Variants in DIAPH2 observed in about 807,000 individuals in gnomAD.
The protein encoded by DIAPH2 is diaphanous related formin 2.
DIAPH2 carries 35 observed loss-of-function variants against 92.7 expected under a neutral mutation model. The observed-to-expected ratio is 0.38, with a 90% CI of 0.29 to 0.50. The LOEUF is 0.50. DIAPH2 is among the 20% of genes least tolerant of loss of function. DIAPH2 has a pLI of 0.94. For missense variants in DIAPH2, 701 were observed against 819.5 expected (o/e 0.86, Z 1.77); for synonymous variants, 301 against 280.4 (o/e 1.07, Z -0.73).
intron 21 of DIAPH2, among the ~76,000 whole-genome samples, chrX:97,129,146 C>CTTTTCTTTTCTTTTCTTTTCTTTTCT (rs113199689): frequency 1.1e-4 from 4 of 36,551 alleles, no homozygotes; most frequent in African/African-American, 6.7e-4. Flanking sequence ...CTTTTCTTTT[C>CTTTTCTTTTCTTTTCTTTTCTTTTCT]TTTCTTTTCT....
intron 17 of DIAPH2, among the ~76,000 whole-genome samples, chrX:97,029,310 G>A (rs1295688978): frequency 9.2e-6 from 1 of 108,820 alleles, no homozygotes; most frequent in Non-Finnish European, 1.9e-5. Flanking sequence ...ACCACACCTG[G>A]CTAATTTTTG....
intron 1 of DIAPH2, among the ~76,000 whole-genome samples, chrX:96,719,147 A>G (rs1231237196): frequency 1.8e-5 from 2 of 112,094 alleles, no homozygotes; most frequent in Non-Finnish European, 1.9e-5. Flanking sequence ...TTCTCTATAT[A>G]GAGTTGTTTG....
chrX:97,440,451 G>T (rs998018357), intron 26 of DIAPH2, among the ~76,000 whole-genome samples: 15 of 109,921 alleles, frequency 1.4e-4, no homozygotes, highest in African/African-American at 5.0e-4. Context: ...AATTAGCTGA[G>T]TGTGGTGGCA....
chrX:96,997,029 C>T (rs1413366016), intron 17 of DIAPH2, among the ~76,000 whole-genome samples: 1 of 111,833 alleles, frequency 8.9e-6, no homozygotes, highest in Non-Finnish European at 1.9e-5. Flanking sequence ...ATAAGAGTTG[C>T]AGTTGTTTCA....
At chrX:97,331,090 A>G (rs2147667193) in intron 23 of DIAPH2, among the ~76,000 whole-genome samples, 1 of 111,445 alleles carries the variant, frequency 9.0e-6, no homozygotes, top group South Asian at 3.8e-4. Context: ...GAGACAGCAA[A>G]CACATTAAAG....
At chrX:96,990,929 T>C (rs1381843028) in intron 17 of DIAPH2, among the ~76,000 whole-genome samples, 1 of 111,139 alleles carries the variant, frequency 9.0e-6, no homozygotes, top group Non-Finnish European at 1.9e-5. Flanking sequence ...TCTCAGTGAA[T>C]GATGTAATTT....
intron 19 of DIAPH2, among the ~76,000 whole-genome samples, chrX:97,082,619 G>A (rs1284748435): frequency 9.0e-6 from 1 of 111,070 alleles, no homozygotes; most frequent in Non-Finnish European, 1.9e-5. Context: ...GCGACAGAGC[G>A]AGACTCCATC....
At chrX:97,530,279 A>G (rs2071050962) in intron 26 of DIAPH2, among the ~76,000 whole-genome samples, 1 of 111,981 alleles carries the variant, frequency 8.9e-6, no homozygotes, top group Admixed American at 9.5e-5. Flanking sequence ...TCAAGCAGTA[A>G]GTGACTGAAA....
intron 17 of DIAPH2, among the ~76,000 whole-genome samples, chrX:97,002,289 T>G (rs2066149941): frequency 9.1e-6 from 1 of 109,704 alleles, no homozygotes; most frequent in African/African-American, 3.3e-5. Flanking sequence ...TTGTAATGAA[T>G]ATATATATAT....
At chrX:97,239,725 T>C (rs756994075) in intron 22 of DIAPH2, among the ~76,000 whole-genome samples, 1 of 110,568 alleles carries the variant, frequency 9.0e-6, no homozygotes, top group East Asian at 2.8e-4. Context: ...GGCACAAAAA[T>C]ATACCCTGAG....
At chrX:97,172,986 G>A (rs1050302511) in intron 22 of DIAPH2, among the ~76,000 whole-genome samples, 1 of 112,216 alleles carries the variant, frequency 8.9e-6, no homozygotes, top group African/African-American at 3.2e-5. Flanking sequence ...CATAATTTAA[G>A]GTTCAGTTAA....
intron 24 of DIAPH2, among the ~76,000 whole-genome samples, chrX:97,353,426 A>G (rs1433373546): frequency 5.4e-5 from 6 of 111,276 alleles, no homozygotes; most frequent in Non-Finnish European, 1.1e-4. Flanking sequence ...CAAATAAATT[A>G]TAGAAAATAC....
At chrX:97,541,460 T>G (rs2071139714) in intron 26 of DIAPH2, among the ~76,000 whole-genome samples, 1 of 112,011 alleles carries the variant, frequency 8.9e-6, no homozygotes, top group African/African-American at 3.2e-5. Flanking sequence ...TTCCATCCTC[T>G]CAAGTTATCT....
rs780409628 is a variant in DIAPH2, at chrX:97,072,952, G to A, written c.2062G>A (p.Ala688Thr). The A allele has an allele frequency of 1.2e-5, 14 of 1,191,712 alleles. No individual in the cohort carries two copies. The highest frequency in any genetic ancestry group is 3.7e-5 in the South Asian group (2 of 53,979). Residue 688 changes from alanine (A) to threonine (T), a missense_variant, in exon 18 of 27, where the codon GCA becomes ACA. By Grantham distance (58) the Ala-to-Thr change is moderately conservative (BLOSUM62 0). This residue lies in a region of DIAPH2 where 536 missense variants were observed against 599.3 expected (regional missense o/e 0.89). Transcript: ENST00000324765. ...ATTTTTTCTTTCAGTTCAAAAGAAC[G>A]CAGAAGCATTAGAAGAAAAGAAGAC... ...FATQIKVQKN[A>T]EALEEKKTGP...
At chrX:97,489,876 G>A (rs962264632) in intron 26 of DIAPH2, among the ~76,000 whole-genome samples, 8 of 111,536 alleles carry the variant, frequency 7.2e-5, no homozygotes, top group African/African-American at 2.6e-4. Context: ...TGTTTTCATC[G>A]AAGATACTGG....
chrX:97,326,592 C>T lies in DIAPH2; in HGVS notation c.2845-21524C>T, dbSNP rs190975127. On this transcript the variant is annotated intron_variant, in intron 23 of 26. Coordinates refer to ENST00000324765, the MANE Select transcript of DIAPH2 (RefSeq NM_006729.5). ...ACCATTTTCAGCCCGTCCAGTTCTGCACCAAACCTAGTTTCAGAAGGACAA... is the reference window on the plus strand; with the variant it reads ...ACCATTTTCAGCCCGTCCAGTTCTGTACCAAACCTAGTTTCAGAAGGACAA... Among the ~76,000 whole-genome samples, 56 of 112,163 alleles carry T rather than the reference C, an allele frequency of 5.0e-4. 1 individual carries two copies. Among genetic ancestry groups the T allele is most frequent in the Admixed American group, 4.5e-3 (47 of 10,488 alleles).
intron 19 of DIAPH2, among the ~76,000 whole-genome samples, 175 bp downstream of exon 19, chrX:97,075,436 G>GA (rs1205121811): frequency 8.9e-6 from 1 of 111,849 alleles, no homozygotes; most frequent in Non-Finnish European, 1.9e-5. Context: ...ACTCAGTATA[G>GA]AAAATCTAGG....
chrX:97,544,830 G>A (rs1337697008), intron 26 of DIAPH2, among the ~76,000 whole-genome samples: 1 of 111,657 alleles, frequency 9.0e-6, no homozygotes, highest in Non-Finnish European at 1.9e-5. Context: ...TTTTAAAGAG[G>A]TTTAAGAAGG....
chrX:97,218,554 T>G (rs149021510), intron 22 of DIAPH2, among the ~76,000 whole-genome samples: 2 of 110,870 alleles, frequency 1.8e-5, no homozygotes, highest in African/African-American at 6.6e-5. Context: ...TTATTAATTT[T>G]AGCATCTTGA....
Sources: allele counts gnomAD v4.1 joint callset (sites outside exome capture counted in the v4.1 genomes callset), GRCh38; gene constraint gnomAD v4.1.1; regional missense constraint gnomAD v4.1.1; transcripts MANE v1.5; gene names NCBI Gene and HGNC (gene_info 2026-07-23, HGNC 2026-07-21).